Variants in DMAC2L observed in about 807,000 individuals in gnomAD.
The protein encoded by DMAC2L is ATP synthase subunit s, mitochondrial.
DMAC2L carries 21 observed loss-of-function variants against 22.5 expected under a neutral mutation model. The ratio of observed to expected loss-of-function variants is 0.93; its 90% CI spans 0.66 to 1.34. DMAC2L has a LOEUF of 1.34. Among genes scored for constraint, DMAC2L ranks in the 40% most tolerant of loss-of-function variants. DMAC2L has a pLI of 0.00. For synonymous variants in DMAC2L, 86 were observed against 89.5 expected (o/e 0.96, Z 0.22); for missense variants, 239 against 246.5 (o/e 0.97, Z 0.20).
At chr14:50,315,221 C>T (rs1164918278) in intron 2 of DMAC2L, among the ~76,000 whole-genome samples, 2 of 151,918 alleles carry the variant, frequency 1.3e-5, no homozygotes, top group Non-Finnish European at 2.9e-5. Flanking sequence ...CCGCCTCGGC[C>T]TCCCAAAGTG....
intron 2 of DMAC2L, among the ~76,000 whole-genome samples, chr14:50,320,862 A>G (rs1457938227): frequency 6.6e-6 from 1 of 152,214 alleles, no homozygotes; most frequent in Non-Finnish European, 1.5e-5. Flanking sequence ...ACTTTCTCAA[A>G]TTATGGTTAT....
At chr14:50,325,476 T>C in intron 5 of DMAC2L, 133 bp from the exon 6 acceptor site, 2 of 1,077,430 alleles carry the variant, frequency 1.9e-6, no homozygotes, top group Non-Finnish European at 2.5e-6. Context: ...AGGCTACTGC[T>C]CTAAAAGTAA....
intron 1 of DMAC2L, among the ~76,000 whole-genome samples, chr14:50,313,659 T>G (rs1278498352): frequency 6.6e-6 from 1 of 152,240 alleles, no homozygotes; most frequent in Non-Finnish European, 1.5e-5. Context: ...GTCTTCCCAG[T>G]GGTAGCATCT....
chr14:50,323,453 G>T (rs1388261923), intron 4 of DMAC2L, among the ~76,000 whole-genome samples: 4 of 148,224 alleles, frequency 2.7e-5, no homozygotes, highest in Non-Finnish European at 5.9e-5. Context: ...GAGTGCAGTG[G>T]CGTGATCTTG....
At chr14:50,312,557 G>A (rs1280722766) in intron 1 of DMAC2L, 168 bp downstream of exon 1, 1 of 300,566 alleles carries the variant, frequency 3.3e-6, no homozygotes, top group Non-Finnish European at 6.2e-6. Context: ...CTCTGGGCGG[G>A]ATTACGGTGA....
intron 5 of DMAC2L, among the ~76,000 whole-genome samples, chr14:50,325,214 T>C (rs935844728): frequency 1.3e-5 from 2 of 152,244 alleles, no homozygotes; most frequent in African/African-American, 4.8e-5. Flanking sequence ...TTTTAAACAT[T>C]AGGACCAAAA....
At chr14:50,319,761 T>TAA (rs1282240914) in intron 2 of DMAC2L, among the ~76,000 whole-genome samples, 1 of 152,164 alleles carries the variant, frequency 6.6e-6, no homozygotes, top group Non-Finnish European at 1.5e-5. Context: ...TATGAAAAAC[T>TAA]AAAAGAAAAA....
chr14:50,319,872 C>T (rs941447153), intron 2 of DMAC2L, among the ~76,000 whole-genome samples: 1 of 152,196 alleles, frequency 6.6e-6, no homozygotes, highest in Non-Finnish European at 1.5e-5. Flanking sequence ...TCATTTTCAA[C>T]TCCTCTAGCC....
intron 2 of DMAC2L, among the ~76,000 whole-genome samples, chr14:50,317,828 T>C (rs1354457713): frequency 6.6e-6 from 1 of 152,080 alleles, no homozygotes; most frequent in Non-Finnish European, 1.5e-5. Context: ...CTTGTTCCAA[T>C]TCTTGGAGGG....
intron 4 of DMAC2L, among the ~76,000 whole-genome samples, chr14:50,323,390 CTTTTTTTTTTTTT>C: frequency 1.1e-5 from 1 of 93,338 alleles, no homozygotes; most frequent in East Asian, 3.6e-4. Flanking sequence ...CACCCGGCCT[CTTTTTTTTTTTTT>C]TTTTTTTTGA....
intron 2 of DMAC2L, among the ~76,000 whole-genome samples, chr14:50,315,201 C>A (rs1239046425): frequency 6.7e-6 from 1 of 149,210 alleles, no homozygotes; most frequent in Non-Finnish European, 1.5e-5. Context: ...CTCCTGGCCT[C>A]GTGATCCACC....
rs555068519 is a variant in DMAC2L at position 50,327,459 on chromosome 14, CTTTTTTTTTTTTT to C, written c.*1748_*1760del. The C allele has an allele frequency of 0.013, 1,020 of 77,422 alleles. 15 individuals carry two copies. Among genetic ancestry groups the C allele is most frequent in the Non-Finnish European group, 0.016 (657 of 41,342 alleles). The allele number at this position is 77,422 out of a possible 1,614,324, so 4.8% of individuals were successfully genotyped here. ...TAGATTTCTGTGTGTTTGATTTGAA[CTTTTTTTTTTTTT>C]TTTTTTTTTTTGAGACAGACTCTCA... On this transcript the variant is annotated 3_prime_UTR_variant, in exon 6 of 6. Transcript: ENST00000557421.
intron 2 of DMAC2L, chr14:50,319,327 A>G (rs1171151990): frequency 2.6e-6 from 4 of 1,535,952 alleles, no homozygotes; most frequent in Admixed American, 2.0e-5. Context: ...TTCAGTTCAC[A>G]TCTCTCACTG....
intron 2 of DMAC2L, among the ~76,000 whole-genome samples, chr14:50,319,655 T>C (rs1040790081): frequency 1.3e-5 from 2 of 152,262 alleles, no homozygotes; most frequent in Non-Finnish European, 1.5e-5. Context: ...CCAGGTGATC[T>C]AAATTCCTTA....
intron 2 of DMAC2L, chr14:50,318,804 C>G (rs540056852): frequency 6.5e-6 from 1 of 154,684 alleles, no homozygotes; most frequent in Non-Finnish European, 1.4e-5. Flanking sequence ...TCTAGATTCT[C>G]ATGGTATTTG....
At chr14:50,311,909 C>T, upstream of DMAC2L, 3 of 1,480,828 alleles carry the variant, frequency 2.0e-6, no homozygotes, top group Non-Finnish European at 2.7e-6. Context: ...AACCTGCTCT[C>T]ACCCCGGGAC....
Position 50,326,546 on chromosome 14 carries a change from C to T in DMAC2L, c.*823C>T, listed in dbSNP as rs1441481550. 1.0e-6 allele frequency: 1 copy of T among 985,282 alleles called. No individual in the cohort carries two copies. Among genetic ancestry groups the T allele is most frequent in the East Asian group, 1.1e-4 (1 of 8,826 alleles). 61.0% of individuals were successfully genotyped at this position (985,282 alleles called of 1,614,324 possible). A position where few individuals can be genotyped will look rare whatever the true frequency, so the allele number is the denominator to read the frequency against. ...TTTGCGTGCATTTCCCATGATCCTG[C>T]ATTCTTGTGTTCTTGATAGCATACA... On this transcript the variant is annotated 3_prime_UTR_variant, in exon 6 of 6. Transcript: ENST00000557421.
chr14:50,323,954 A>G lies in DMAC2L; in HGVS notation c.326A>G (p.Glu109Gly). Residue 109 changes from glutamate (E) to glycine (G), a missense_variant, in exon 5 of 6, where the codon GAG becomes GGG. Glu to Gly is a moderately conservative substitution (Grantham distance 98, BLOSUM62 -2). Transcript: ENST00000557421. The stretch of plus-strand genomic sequence containing the variant: ...TACTTTTTCTCCCCAGAGGGCCTAG[A>G]GCATGTTGAAAAAATAAGGCTGTGC... ...SIGFDHMEGL[E>G]HVEKIRLCKC... The G allele has an allele frequency of 6.2e-7, 1 of 1,610,832 alleles. No homozygotes were observed. Among genetic ancestry groups the G allele is most frequent in the East Asian group, 2.2e-5 (1 of 44,824 alleles).
chr14:50,314,954 C>CT (rs1435742030), intron 2 of DMAC2L, among the ~76,000 whole-genome samples: 8 of 151,444 alleles, frequency 5.3e-5, no homozygotes, highest in Middle Eastern at 3.5e-3. Flanking sequence ...TTGTATCATT[C>CT]TTTTTTATTT....
Sources: gnomAD v4.1 joint callset for allele counts (sites outside exome capture counted in the v4.1 genomes callset) on GRCh38, gnomAD v4.1.1 for gene constraint, MANE v1.5 for transcripts, NCBI Gene and HGNC (gene_info 2026-07-23, HGNC 2026-07-21) for gene names.